The following GAK variants were observed in gnomAD, a reference collection of about 807,000 sequenced individuals.
GAK encodes the protein cyclin-G-associated kinase.
A neutral mutation model predicts 143.9 loss-of-function variants in GAK; 79 were observed. That is an observed-to-expected ratio of 0.55 (90% CI 0.46 to 0.66). The LOEUF (loss-of-function observed/expected upper bound fraction) is 0.66. Ranked by LOEUF, GAK falls within the 30% of genes least tolerant of loss-of-function variation. The pLI, the probability that GAK is intolerant of heterozygous loss-of-function variation, is 0.00. For synonymous variants in GAK, 881 were observed against 765.5 expected, an observed-to-expected ratio of 1.15 and a Z score of -2.49; for missense variants, 1,693 against 1,779.7, an observed-to-expected ratio of 0.95 and a Z score of 0.88.
In GAK at chr4:879,846, G is replaced by A. The variant is rs114972061; in HGVS notation, c.1662-2037C>T. Among the ~76,000 whole-genome samples the A allele has an allele frequency of 7.8e-3, 1,186 of 152,280 alleles. 10 individuals are homozygous for A. Among genetic ancestry groups the A allele is most frequent in the Middle Eastern group, 0.031 (9 of 294 alleles). ...CTCTTGGGTGCTTGTTCTACCCCAC[G>A]CTTTCTCTCTGTGATTCAGTTTCAG... On this transcript the variant is annotated intron_variant, in intron 15 of 27. Transcript: ENST00000314167.
At chr4:856,306 CCA>C (rs1407156537) in intron 24 of GAK, among the ~76,000 whole-genome samples, 1 of 144,340 alleles carries the variant, frequency 6.9e-6, no homozygotes. Context: ...CCCCTGCTCA[CCA>C]CAGCTGCTCA....
chr4:907,684 C>T (rs752636473), intron 4 of GAK, among the ~76,000 whole-genome samples: 5 of 152,214 alleles, frequency 3.3e-5, no homozygotes, highest in Admixed American at 6.5e-5. Context: ...GGCACATCCC[C>T]GGAGCCCGAC....
chr4:903,837 G>C (rs1720522236), intron 5 of GAK, among the ~76,000 whole-genome samples: 1 of 152,148 alleles, frequency 6.6e-6, no homozygotes, highest in Admixed American at 6.5e-5. Flanking sequence ...ATGGGGACCT[G>C]GTATTCCAGA....
At chr4:906,130 G>A (rs1165892520) in intron 4 of GAK, among the ~76,000 whole-genome samples, 8 of 152,198 alleles carry the variant, frequency 5.3e-5, no homozygotes, top group East Asian at 1.9e-4. Context: ...CCCAGCAGCC[G>A]AGGTGGCAAG....
chr4:849,747 C>T lies in GAK; in HGVS notation c.3862G>A (p.Ala1288Thr), dbSNP rs377485573. The T allele has an allele frequency of 3.1e-6, 5 of 1,613,158 alleles. No individual in the cohort carries two copies. The highest frequency in any genetic ancestry group is 2.2e-5 in the East Asian group (1 of 44,860). Residue 1288 changes from alanine to threonine, a missense_variant, in exon 28 of 28, where the codon GCC becomes ACC. By Grantham distance (58) the Ala-to-Thr change is moderately conservative (BLOSUM62 0). This residue lies in a region of GAK where 822 missense variants were observed against 788.7 expected (regional missense o/e 1.04). Coordinates refer to ENST00000314167, the MANE Select transcript of GAK (RefSeq NM_005255.4). ...KAAGQPYEQH[A>T]KMIFMELNDA... is the part of the protein sequence containing the mutation. ...TTCAGCTCCATGAAGATCATCTTGG[C>T]GTGCTGCTCGTACGGCTGCCCCGCA...
intron 1 of GAK, among the ~76,000 whole-genome samples, chr4:918,253 A>C (rs1040519357): frequency 2.6e-5 from 4 of 152,260 alleles, no homozygotes; most frequent in African/African-American, 9.6e-5. Flanking sequence ...CAAAATTTAG[A>C]AACAACAACT....
Position 870,850 on chromosome 4 carries a change from C to T in GAK, c.2109G>A (p.Val703=). Reference sequence around the variant, plus strand: ...TGGGCTCCACCTCCACTTCCAGGTTCACTTGAAATAAATCCGGGTATTTTT... The same window carrying T: ...TGGGCTCCACCTCCACTTCCAGGTTTACTTGAAATAAATCCGGGTATTTTT... The part of the protein sequence containing the change: ...IQEKYPDLFQ[V]NLEVEVEPRD... The change falls in exon 19 of 28, where the codon GTG becomes GTA. Residue 703 remains valine, a synonymous_variant. Transcript: ENST00000314167. 1 of 1,614,068 alleles carries T rather than the reference C, an allele frequency of 6.2e-7. No individual in the cohort carries two copies.
Position 882,832 on chromosome 4 carries a change from G to C in GAK, c.1405-13C>G, listed in dbSNP as rs767288940. 6.2e-7 allele frequency: 1 copy of C among 1,605,190 alleles called. No homozygotes were observed. Among genetic ancestry groups the C allele is most frequent in the South Asian group, 1.1e-5 (1 of 90,884 alleles). The stretch of plus-strand genomic sequence containing the variant: ...CACACTCGGAGACCTGTGGGGACAG[G>C]GCACGGTGGCACGGACGGCAGAGGA... On this transcript the variant is annotated splice_polypyrimidine_tract_variant and intron_variant, in intron 13 of 27. Transcript: ENST00000314167.
chr4:893,148 G>A (rs1045004208), intron 9 of GAK, among the ~76,000 whole-genome samples: 2 of 151,488 alleles, frequency 1.3e-5, no homozygotes, highest in Non-Finnish European at 2.9e-5. Flanking sequence ...TCTGTGATAG[G>A]AGACTTGGGG....
rs369003178 is a variant in GAK at position 896,565 on chromosome 4, C to T, written c.652-16G>A. 9 of 1,588,972 alleles carry T rather than the reference C, an allele frequency of 5.7e-6. No individual in the cohort carries two copies. The highest frequency in any genetic ancestry group is 1.3e-5 in the African/African-American group (1 of 74,390). Reference sequence around the variant, plus strand: ...TCCTCGTGATCTGAAAAAATACAAACATTTCAAAGGAAAAGTTGCATCCCA... The same window carrying T: ...TCCTCGTGATCTGAAAAAATACAAATATTTCAAAGGAAAAGTTGCATCCCA... On this transcript the variant is annotated splice_polypyrimidine_tract_variant and intron_variant, in intron 6 of 27. Transcript: ENST00000314167.
chr4:866,504 G>T lies in GAK; in HGVS notation c.2903C>A (p.Ser968Ter), dbSNP rs867390498. Residue 968 changes from serine (S) to a stop codon, truncating the protein, a stop_gained, in exon 22 of 28, where the codon TCA becomes TAA. Coordinates refer to ENST00000314167, the MANE Select transcript of GAK (RefSeq NM_005255.4). LOFTEE classifies it high-confidence loss of function. Reference protein sequence around the residue: ...ADPFGPLLPSSGNNSQPCSNP... With the variant: ...ADPFGPLLPS The stretch of plus-strand genomic sequence containing the variant: ...GGAGCAGGGCTGGGAGTTGTTGCCT[G>T]AAGACGGCAGAAGCGGGCCAAAGGG... 1 of 1,613,930 alleles carries T rather than the reference G, an allele frequency of 6.2e-7. No individual in the cohort carries two copies. The highest frequency in any genetic ancestry group is 8.5e-7 in the Non-Finnish European group (1 of 1,179,962).
intron 18 of GAK, among the ~76,000 whole-genome samples, chr4:876,117 G>T (rs1012768385): frequency 2.6e-5 from 4 of 152,232 alleles, no homozygotes; most frequent in Non-Finnish European, 4.4e-5. Context: ...GGGCCATCCC[G>T]TGGCTGCGCT....
At chr4:906,942 C>G (rs893264245) in intron 4 of GAK, among the ~76,000 whole-genome samples, 1 of 152,206 alleles carries the variant, frequency 6.6e-6, no homozygotes, top group Non-Finnish European at 1.5e-5. Flanking sequence ...TCCCAAGGAA[C>G]CAACTCTGCC....
At position 876,638 on chromosome 4, in the gene GAK, C is replaced by A. The variant is rs749355788; in HGVS notation, c.1975-29G>T. On this transcript the variant is annotated intron_variant, in intron 17 of 27. Coordinates refer to ENST00000314167, the MANE Select transcript of GAK (RefSeq NM_005255.4). ...CAAAGAGAGCAAACACGACACCCCACGTGGAGGGTGAATCCAGATCCTGGG... is the reference window on the plus strand; with the variant it reads ...CAAAGAGAGCAAACACGACACCCCAAGTGGAGGGTGAATCCAGATCCTGGG... The A allele has an allele frequency of 3.1e-6, 5 of 1,598,482 alleles. No individual in the cohort carries two copies. In the East Asian group the frequency reaches 1.1e-4, roughly 36 times the overall value.
chr4:878,203 A>G (rs1195169884), intron 15 of GAK, among the ~76,000 whole-genome samples: 2 of 152,180 alleles, frequency 1.3e-5, no homozygotes, highest in African/African-American at 2.4e-5. Flanking sequence ...AGCCTGGGCA[A>G]CACGGTGAAA....
intron 1 of GAK, among the ~76,000 whole-genome samples, chr4:924,459 C>G (rs1724367699): frequency 6.6e-6 from 1 of 151,772 alleles, no homozygotes; most frequent in Non-Finnish European, 1.5e-5. Flanking sequence ...TATTTTTTAC[C>G]CAAGACAAAG....
rs1318882928 is a variant in GAK, at chr4:932,152, C to T, written c.36G>A (p.Ala12=). The stretch of plus-strand genomic sequence containing the variant: ...AAGCACCGCCCAGGGAGCCTGGACC[C>T]GCCAAGAAGTCGAGCGCCGACTGCA... ...SLLQSALDFL[A]GPGSLGGASG... Residue 12 remains alanine, a synonymous_variant, in exon 1 of 28, where the codon GCG becomes GCA. Coordinates refer to ENST00000314167, the MANE Select transcript of GAK (RefSeq NM_005255.4). The surrounding 1 kb of genome is among the most constrained non-coding windows in gnomAD (Gnocchi z 4.0). 1 of 1,583,674 alleles carries T rather than the reference C, an allele frequency of 6.3e-7. No homozygotes were observed. Among genetic ancestry groups the T allele is most frequent in the African/African-American group, 1.4e-5 (1 of 73,438 alleles).
intron 18 of GAK, among the ~76,000 whole-genome samples, chr4:871,534 C>T (rs1051279940): frequency 1.3e-5 from 2 of 152,308 alleles, no homozygotes; most frequent in Middle Eastern, 3.4e-3. Context: ...AACATGATTC[C>T]GGGGGAAACA....
Position 850,957 on chromosome 4 carries a change from G to A in GAK, c.3636C>T (p.Asp1212=), listed in dbSNP as rs139558681. 6.2e-7 allele frequency: 1 copy of A among 1,613,640 alleles called. No homozygotes were observed. The highest frequency in any genetic ancestry group is 1.3e-5 in the African/African-American group (1 of 74,900). Residue 1212 remains aspartate, a synonymous_variant, in exon 26 of 28, where the codon GAC becomes GAT. Coordinates refer to ENST00000314167, the MANE Select transcript of GAK (RefSeq NM_005255.4). ...CCACCTTCAGCTTGAGTGGGTCCGT[G>A]TCTTTAGCCAGGTCCTGCTTCCTCA... is the stretch of plus-strand genomic sequence containing the variant. ...AEMRKQDLAK[D]TDPLKLKLLD...
Sources: gnomAD v4.1 joint callset for allele counts (sites outside exome capture counted in the v4.1 genomes callset) on GRCh38, gnomAD v4.1.1 for gene constraint, gnomAD v4.1.1 regional missense constraint, Gnocchi (gnomAD v3.1) non-coding constraint, MANE v1.5 for transcripts, NCBI Gene and HGNC (gene_info 2026-07-23, HGNC 2026-07-21) for gene names.